ABCG1: variants seen among roughly 807,000 people sequenced by gnomAD.
The protein encoded by ABCG1 is ATP-binding cassette sub-family G member 1.
In ABCG1, 29 loss-of-function variants were observed where a neutral mutation model predicts 69.2. The ratio of observed to expected loss-of-function variants is 0.42; its 90% CI spans 0.31 to 0.57. The LOEUF is 0.57. Ranked by LOEUF, ABCG1 falls within the 20% of genes least tolerant of loss-of-function variation. ABCG1 has a pLI of 0.15. For synonymous variants in ABCG1, 370 were observed against 374.8 expected (o/e 0.99, Z 0.15); for missense variants, 718 against 898.1 (o/e 0.80, Z 2.56).
rs945060150 is a variant in ABCG1 at position 42,219,172 on chromosome 21, G to C, written c.-91G>C. On this transcript the variant is annotated 5_prime_UTR_variant, in exon 1 of 15. Coordinates refer to ENST00000398449, the MANE Select transcript of ABCG1 (RefSeq NM_016818.3). This position sits in a 1 kb window ranked among gnomAD's most constrained non-coding sequence, Gnocchi z 5.3. ...AAGCGCAGCCCGCACCCCGCGCAGC[G>C]GCTGAGCCGGGAGCCAGCGCAGCCT... 8.6e-7 allele frequency: 1 copy of C among 1,157,622 alleles called. No homozygotes were observed. Among genetic ancestry groups the C allele is most frequent in the Non-Finnish European group, 1.1e-6 (1 of 927,608 alleles). 71.7% of individuals were successfully genotyped at this position (1,157,622 alleles called of 1,614,324 possible). A position where few individuals can be genotyped will look rare whatever the true frequency, so the allele number is the denominator to read the frequency against.
At chr21:42,240,315 T>C (rs368730295) in intron 2 of ABCG1, among the ~76,000 whole-genome samples, 2 of 152,214 alleles carry the variant, frequency 1.3e-5, no homozygotes, top group African/African-American at 4.8e-5. Flanking sequence ...CCTAGCCCAG[T>C]TGACCCCTGG....
At chr21:42,212,708 T>A (rs998091690), upstream of ABCG1, among the ~76,000 whole-genome samples, 4 of 100,996 alleles carry the variant, frequency 4.0e-5, no homozygotes, top group African/African-American at 1.6e-4. Context: ...AAAACAGATT[T>A]TTTTTTTTTT....
At chr21:42,231,488 A>C (rs770371920) in intron 2 of ABCG1, among the ~76,000 whole-genome samples, 16 of 152,222 alleles carry the variant, frequency 1.1e-4, no homozygotes, top group Non-Finnish European at 2.4e-4. Flanking sequence ...CTACGCTATA[A>C]AAATGCATTT....
rs760616657 is a variant in ABCG1, at chr21:42,288,199, G to T, written c.1123-12G>T. 1.9e-6 allele frequency: 3 copies of T among 1,613,798 alleles called. No homozygotes were observed. The Admixed American group carries it at 5.0e-5, about 27-fold the overall frequency. On this transcript the variant is annotated splice_polypyrimidine_tract_variant and intron_variant, in intron 9 of 14. Transcript: ENST00000398449. This position sits in a 1 kb window ranked among gnomAD's most constrained non-coding sequence, Gnocchi z 4.8. The stretch of plus-strand genomic sequence containing the variant: ...TGGCTTTCACCCGCTCCCCTCTTGC[G>T]TGTGTCCTCAGGACTCCTCGTCCAT...
intron 2 of ABCG1, among the ~76,000 whole-genome samples, chr21:42,257,991 ATCCT>A (rs1029981062): frequency 9.1e-6 from 1 of 110,004 alleles, no homozygotes; most frequent in African/African-American, 3.8e-5. Context: ...TACTCCATCC[ATCCT>A]TCCTCCCATT....
intron 2 of ABCG1, among the ~76,000 whole-genome samples, chr21:42,233,861 TTC>T (rs1400711102): frequency 6.6e-6 from 1 of 152,228 alleles, no homozygotes; most frequent in Non-Finnish European, 1.5e-5. Context: ...GTCACGTTCT[TTC>T]TGTTTCTTTT....
chr21:42,204,501 A>AT (rs2067528709), intron 2 of ABCG1, among the ~76,000 whole-genome samples: 1 of 152,038 alleles, frequency 6.6e-6, no homozygotes, highest in Non-Finnish European at 1.5e-5. Flanking sequence ...TGATCATGTG[A>AT]TTTTTTTCCT....
chr21:42,289,612 G>T (rs1162108548), intron 10 of ABCG1, among the ~76,000 whole-genome samples: 2 of 152,164 alleles, frequency 1.3e-5, no homozygotes, highest in Non-Finnish European at 1.5e-5. Flanking sequence ...TGAATGCCTG[G>T]CATGGCTTCT....
intron 5 of ABCG1, among the ~76,000 whole-genome samples, chr21:42,279,225 G>A (rs3827228): frequency 0.32 from 47,960 of 151,824 alleles, 7,804 homozygotes; most frequent in Middle Eastern, 0.42. Context: ...GGTCACTGAT[G>A]CTCGGCGTGG....
intron 2 of ABCG1, among the ~76,000 whole-genome samples, chr21:42,251,265 G>A (rs1459366567): frequency 6.6e-6 from 1 of 152,160 alleles, no homozygotes; most frequent in Non-Finnish European, 1.5e-5. Flanking sequence ...AGGAAAGGGA[G>A]GACCTGTATT....
chr21:42,204,617 A>T (rs1341880843), intron 2 of ABCG1, among the ~76,000 whole-genome samples: 1 of 152,130 alleles, frequency 6.6e-6, no homozygotes, highest in Admixed American at 6.5e-5. Context: ...TAATTTTTAA[A>T]ATATATTCCT....
At chr21:42,293,369 CA>C (rs1569243096) in intron 13 of ABCG1, among the ~76,000 whole-genome samples, 1 of 146,228 alleles carries the variant, frequency 6.8e-6, no homozygotes, top group African/African-American at 2.5e-5. Flanking sequence ...ACACACACAC[CA>C]CACTACACAC....
At chr21:42,284,835 A>C (rs137975559) in intron 7 of ABCG1, 152 bp downstream of exon 7, 10 of 1,005,576 alleles carry the variant, frequency 9.9e-6, no homozygotes, top group Non-Finnish European at 1.1e-5. Context: ...CTGTTAGCTC[A>C]TGGGGCATCT....
intron 2 of ABCG1, among the ~76,000 whole-genome samples, chr21:42,252,617 G>A (rs2068240943): frequency 6.6e-6 from 1 of 152,124 alleles, no homozygotes; most frequent in African/African-American, 2.4e-5. Flanking sequence ...GGGTGACTCT[G>A]ATGTCATTCA....
chr21:42,239,060 G>A (rs988158934), intron 2 of ABCG1, among the ~76,000 whole-genome samples: 3 of 152,052 alleles, frequency 2.0e-5, no homozygotes, highest in Non-Finnish European at 2.9e-5. Context: ...TCTTTCTCCC[G>A]CTATTTCTTT....
chr21:42,245,010 T>C (rs764770575), intron 2 of ABCG1, among the ~76,000 whole-genome samples: 5 of 152,216 alleles, frequency 3.3e-5, no homozygotes, highest in Non-Finnish European at 7.4e-5. Flanking sequence ...GAGGACCTCC[T>C]TCCCCAGTCA....
At position 42,245,977 on chromosome 21, in the gene ABCG1, G is replaced by A. The variant is rs889322720; in HGVS notation, c.286+20063G>A. On this transcript the variant is annotated intron_variant, in intron 2 of 14. Coordinates refer to ENST00000398449, the MANE Select transcript of ABCG1 (RefSeq NM_016818.3). ...TCTTCCTCGGAATGGCCTGGAATTC[G>A]ATCAAGAACAGCAGCCCCAGGAGCA... 3.3e-5 allele frequency among the ~76,000 whole-genome samples: 5 copies of A among 152,110 alleles called. No individual in the cohort carries two copies. The South Asian group carries it at 6.2e-4, about 19-fold the overall frequency.
intron 5 of ABCG1, among the ~76,000 whole-genome samples, chr21:42,278,514 A>C (rs1308600610): frequency 6.6e-6 from 1 of 152,124 alleles, no homozygotes; most frequent in East Asian, 1.9e-4. Flanking sequence ...TGTCCCTGTA[A>C]GAAGAGGAGA....
In ABCG1 at chr21:42,201,509, C is replaced by T. The variant is rs533589590; in HGVS notation, c.-99-68C>T. 36 of 1,095,270 alleles carry T rather than the reference C, an allele frequency of 3.3e-5. No individual in the cohort carries two copies. In the Admixed American group the frequency reaches 5.1e-4, roughly 16 times the overall value. 67.8% of individuals were successfully genotyped at this position (1,095,270 alleles called of 1,614,324 possible). A position where few individuals can be genotyped will look rare whatever the true frequency, so the allele number is the denominator to read the frequency against. On this transcript the variant is annotated intron_variant, in intron 1 of 15. Transcript: ENST00000398457. ...GGGGTTGGGGACTTGTCTTACATGA[C>T]AGGGTGAGCTACCCTGAGTTAATCT...
Sources: allele counts gnomAD v4.1 joint callset (sites outside exome capture counted in the v4.1 genomes callset), GRCh38; gene constraint gnomAD v4.1.1; non-coding constraint Gnocchi (gnomAD v3.1); transcripts MANE v1.5; gene names NCBI Gene and HGNC (gene_info 2026-07-23, HGNC 2026-07-21).